The following NPEPPS variants were observed in gnomAD, a reference collection of about 807,000 sequenced individuals.
The protein encoded by NPEPPS is puromycin-sensitive aminopeptidase.
NPEPPS carries 14 observed loss-of-function variants against 115.5 expected under a neutral mutation model. The ratio of observed to expected loss-of-function variants is 0.12; its 90% CI spans 0.08 to 0.19. NPEPPS has a LOEUF of 0.19. Ranked by LOEUF, NPEPPS falls within the 10% of genes least tolerant of loss-of-function variation. The probability of loss-of-function intolerance (pLI) is 1.00; values close to 1 mark genes in which losing one functional copy is unlikely to be tolerated. For missense variants in NPEPPS, 523 were observed against 1,110.8 expected, an observed-to-expected ratio of 0.47 and a Z score of 7.52; for synonymous variants, 285 against 390.6, an observed-to-expected ratio of 0.73 and a Z score of 3.19.
chr17:47,535,779 GACT>G (rs764409573), intron 1 of NPEPPS, among the ~76,000 whole-genome samples: 20 of 148,436 alleles, frequency 1.3e-4, no homozygotes, highest in Non-Finnish European at 2.7e-4. Flanking sequence ...TTATGTGTGT[GACT>G]ACTATTTATG....
chr17:47,568,817 G>A lies in NPEPPS; in HGVS notation c.341-600G>A, dbSNP rs534625606. Among the ~76,000 whole-genome samples, 18 of 151,972 alleles carry A rather than the reference G, an allele frequency of 1.2e-4. 1 individual carries two copies. The highest frequency in any genetic ancestry group is 7.9e-4 in the Admixed American group (12 of 15,244). On this transcript the variant is annotated intron_variant, in intron 2 of 22. Coordinates refer to ENST00000322157, the MANE Select transcript of NPEPPS (RefSeq NM_006310.4). ...ATTACAGGCATGCACCACCACAGCC[G>A]GCTAGTTTTGTATTTTTAGTAGAGA...
intron 2 of NPEPPS, chr17:47,559,586 A>T (rs1435416279): frequency 2.2e-6 from 1 of 451,568 alleles, no homozygotes; most frequent in South Asian, 1.6e-5. Context: ...GTTGGTTACT[A>T]ATACTTAAGG....
At chr17:47,611,468 A>AT (rs1161124307) in intron 17 of NPEPPS, among the ~76,000 whole-genome samples, 1 of 151,284 alleles carries the variant, frequency 6.6e-6, no homozygotes, top group Non-Finnish European at 1.5e-5. Flanking sequence ...CAAAAAAAAA[A>AT]AAAAAAGAGA....
intron 3 of NPEPPS, among the ~76,000 whole-genome samples, chr17:47,570,717 A>C (rs1597849275): frequency 6.6e-6 from 1 of 152,248 alleles, no homozygotes; most frequent in African/African-American, 2.4e-5. Context: ...ATTCAAAAGG[A>C]AGAAAATGTA....
intron 2 of NPEPPS, among the ~76,000 whole-genome samples, chr17:47,563,106 A>T (rs1910550120): frequency 6.7e-6 from 1 of 149,682 alleles, no homozygotes; most frequent in Non-Finnish European, 1.5e-5. Context: ...ATCTCAATTC[A>T]CTGCAACCTC....
chr17:47,610,887 T>C (rs1597890356), intron 17 of NPEPPS, among the ~76,000 whole-genome samples: 1 of 122,892 alleles, frequency 8.1e-6, no homozygotes, highest in Non-Finnish European at 1.6e-5. Flanking sequence ...GGAGTCTCAC[T>C]CTGTCTCCAG....
intron 2 of NPEPPS, among the ~76,000 whole-genome samples, chr17:47,569,081 T>C (rs542219624): frequency 1.3e-5 from 2 of 152,292 alleles, no homozygotes; most frequent in East Asian, 1.9e-4. Context: ...TTGCCAAGTC[T>C]CAAATGTTCA....
At chr17:47,567,877 A>G (rs1198863635) in intron 2 of NPEPPS, among the ~76,000 whole-genome samples, 3 of 152,018 alleles carry the variant, frequency 2.0e-5, no homozygotes, top group African/African-American at 7.2e-5. Context: ...TTGTATGGAT[A>G]TACCACATTT....
chr17:47,556,037 C>T (rs1273375866), intron 2 of NPEPPS, among the ~76,000 whole-genome samples: 1 of 127,618 alleles, frequency 7.8e-6, no homozygotes, highest in Non-Finnish European at 1.6e-5. Flanking sequence ...GACCTTGGCT[C>T]ACTACAACCT....
rs561840905 is a variant in NPEPPS, at chr17:47,618,139, C to T, written c.2296-211C>T. Among the ~76,000 whole-genome samples, 5 of 152,188 alleles carry T rather than the reference C, an allele frequency of 3.3e-5. No homozygotes were observed. The East Asian group carries it at 9.7e-4, about 29-fold the overall frequency. On this transcript the variant is annotated intron_variant, in intron 19 of 22. Transcript: ENST00000322157. The stretch of plus-strand genomic sequence containing the variant: ...CAGGTGATCCACCCGCCTCGGCCTC[C>T]CAAAGTGCTGGGATTACAGGTGTGA...
At chr17:47,603,636 T>C (rs1162012128) in intron 15 of NPEPPS, 1 of 276,684 alleles carries the variant, frequency 3.6e-6, no homozygotes, top group Non-Finnish European at 6.8e-6. Context: ...AAACCTAAAA[T>C]TGAGGTTAGA....
chr17:47,552,563 A>G (rs1370249231), intron 2 of NPEPPS, among the ~76,000 whole-genome samples: 1 of 152,204 alleles, frequency 6.6e-6, no homozygotes, highest in Admixed American at 6.5e-5. Flanking sequence ...CCATATGGCT[A>G]TATACAAAGT....
At position 47,622,679 on chromosome 17, in the gene NPEPPS, A is replaced by C. The variant is rs1416771697; in HGVS notation, c.*759A>C. ...AAGAAATAATAAGGAAACATCTTTC[A>C]TAGCCACATTAAATAAGAGAAACTG... On this transcript the variant is annotated 3_prime_UTR_variant, in exon 23 of 23. Transcript: ENST00000322157. 1 of 348,536 alleles carries C rather than the reference A, an allele frequency of 2.9e-6. No homozygotes were observed. The highest frequency in any genetic ancestry group is 2.2e-5 in the African/African-American group (1 of 45,290). The allele number at this position is 348,536 out of a possible 1,614,324, so 21.6% of individuals were successfully genotyped here.
chr17:47,524,185 T>C lies in NPEPPS; in HGVS notation c.77+1122T>C, dbSNP rs189870017. On this transcript the variant is annotated intron_variant, in intron 1 of 5. Transcript: ENST00000525007. ...AGCTGGGCGTGGTGGCAGGCACCTG[T>C]AATCCCAGCTACTTGGGAGGCTGAG... 6.7e-3 allele frequency among the ~76,000 whole-genome samples: 1,023 copies of C among 151,844 alleles called. 13 individuals are homozygous for C. Among genetic ancestry groups the C allele is most frequent in the African/African-American group, 0.022 (899 of 41,462 alleles).
chr17:47,526,395 G>A (rs1219842729), upstream of NPEPPS, among the ~76,000 whole-genome samples: 1 of 152,154 alleles, frequency 6.6e-6, no homozygotes, highest in Non-Finnish European at 1.5e-5. Context: ...CCGGTTTGCC[G>A]AAAAAGATGA....
At chr17:47,581,325 G>A (rs1021501321) in intron 4 of NPEPPS, 2 of 152,016 alleles carry the variant, frequency 1.3e-5, no homozygotes, top group Non-Finnish European at 2.9e-5. Flanking sequence ...TTTAGATTCC[G>A]ATAATTTTTC....
intron 3 of NPEPPS, among the ~76,000 whole-genome samples, chr17:47,577,436 TAAGTG>T (rs1911582104): frequency 6.6e-6 from 1 of 152,144 alleles, no homozygotes; most frequent in South Asian, 2.1e-4. Flanking sequence ...TTAAAAAAAT[TAAGTG>T]AATTTCTAAA....
At chr17:47,544,592 G>A (rs1032068801) in intron 1 of NPEPPS, among the ~76,000 whole-genome samples, 1 of 150,454 alleles carries the variant, frequency 6.6e-6, no homozygotes, top group Non-Finnish European at 1.5e-5. Context: ...GGAGTGTAGT[G>A]GCAGGATTTC....
chr17:47,552,333 T>C (rs1909711524), intron 2 of NPEPPS, among the ~76,000 whole-genome samples: 1 of 152,166 alleles, frequency 6.6e-6, no homozygotes, highest in Admixed American at 6.6e-5. Flanking sequence ...CATTCTCAAA[T>C]AAACAACCCT....
Sources: gnomAD v4.1 joint callset for allele counts (sites outside exome capture counted in the v4.1 genomes callset) on GRCh38, gnomAD v4.1.1 for gene constraint, MANE v1.5 for transcripts, NCBI Gene and HGNC (gene_info 2026-07-23, HGNC 2026-07-21) for gene names.